Variants in KIF26A observed in about 807,000 individuals in gnomAD.
KIF26A encodes kinesin-like protein KIF26A.
A neutral mutation model predicts 126.0 loss-of-function variants in KIF26A; 74 were observed. The observed-to-expected ratio is 0.59, with a 90% confidence interval of 0.49 to 0.71. The LOEUF (loss-of-function observed/expected upper bound fraction) is 0.71. Ranked by LOEUF, KIF26A falls within the 30% of genes least tolerant of loss-of-function variation. The pLI is 0.00. For missense variants in KIF26A, 2,984 were observed against 2,763.3 expected (o/e 1.08, Z -1.79); for synonymous variants, 1,445 against 1,232.7 (o/e 1.17, Z -3.61).
intron 4 of KIF26A, among the ~76,000 whole-genome samples, chr14:104,164,439 C>A (rs1384299426): frequency 6.6e-6 from 1 of 152,060 alleles, no homozygotes; most frequent in African/African-American, 2.4e-5. Context: ...GTCCTGGTGT[C>A]CCTGTGCTGG....
intron 4 of KIF26A, among the ~76,000 whole-genome samples, chr14:104,165,731 C>T (rs1316176142): frequency 1.3e-5 from 2 of 150,134 alleles, no homozygotes; most frequent in Admixed American, 6.6e-5. Flanking sequence ...CTGTGTGTTT[C>T]TGTATGCATA....
chr14:104,174,919 G>T, intron 11 of KIF26A, 63 bp from the exon 12 acceptor site: 1 of 1,445,844 alleles, frequency 6.9e-7, no homozygotes, highest in Non-Finnish European at 9.1e-7. Flanking sequence ...CTCTGGGGAG[G>T]GTCGGGGAAG....
In KIF26A at chr14:104,152,623, AT is replaced by A. The variant is rs2037741259; in HGVS notation, c.735+163del. 6.6e-6 allele frequency among the ~76,000 whole-genome samples: 1 copy of A among 152,126 alleles called. No individual in the cohort carries two copies. The highest frequency in any genetic ancestry group is 2.1e-4 in the South Asian group (1 of 4,820). Reference sequence around the variant, plus strand: ...TGACACTCCTGAGGCCCCACATCAGATGCACCCTTGATGGTGCACAGCAGCT... The same window carrying A: ...TGACACTCCTGAGGCCCCACATCAGAGCACCCTTGATGGTGCACAGCAGCT... On this transcript the variant is annotated intron_variant, in intron 3 of 14. Transcript: ENST00000423312. The surrounding 1 kb of genome is among the most constrained non-coding windows in gnomAD (Gnocchi z 5.9).
At chr14:104,156,593 C>T (rs979201341) in intron 3 of KIF26A, among the ~76,000 whole-genome samples, 30 of 137,046 alleles carry the variant, frequency 2.2e-4, no homozygotes, top group Admixed American at 2.9e-4. Context: ...AAGCTGGTAC[C>T]GGCCATGGGT....
Position 104,174,195 on chromosome 14 carries a change from G to A in KIF26A, c.2078G>A (p.Gly693Asp). 6.3e-7 allele frequency: 1 copy of A among 1,588,986 alleles called. No homozygotes were observed. Among genetic ancestry groups the A allele is most frequent in the Non-Finnish European group, 8.6e-7 (1 of 1,168,210 alleles). The change falls in exon 11 of 15, where the codon GGC (glycine) becomes GAC (aspartate). Residue 693 changes from glycine (G) to aspartate (D), a missense_variant. Physicochemically the swap from Gly to Asp is moderately conservative, Grantham distance 94 (BLOSUM62 -1). Transcript: ENST00000423312. ...MLLRESLATAGCRTTMIAHVS... is the reference protein window; with the variant it reads ...MLLRESLATADCRTTMIAHVS... ...CTGCGTGAATCCCTGGCCACCGCTG[G>A]CTGCCGCACCACCATGATCGCCCAC... is the stretch of plus-strand genomic sequence containing the variant.
At chr14:104,139,375 C>T in intron 2 of KIF26A, 87 bp downstream of exon 2, 1 of 1,318,660 alleles carries the variant, frequency 7.6e-7, no homozygotes, top group Non-Finnish European at 9.9e-7. Context: ...AAGCAGGGTT[C>T]CACTCCTTCC....
At position 104,139,089 on chromosome 14, in the gene KIF26A, T is replaced by C; in HGVS notation, c.89T>C (p.Val30Ala). ...PAREPPPLLE[V>A]SPRKRLPAGP... ...CGCGAGCCGCCGCCGCTGCTGGAGG[T>C]GTCCCCCCGAAAGAGGCTACCCGCC... Residue 30 changes from valine to alanine, a missense_variant, in exon 2 of 15, where the codon GTG becomes GCG. Val to Ala is a moderately conservative substitution (Grantham distance 64). Coordinates refer to ENST00000423312, the MANE Select transcript of KIF26A (RefSeq NM_015656.2). 1 of 1,448,460 alleles carries C rather than the reference T, an allele frequency of 6.9e-7. No individual in the cohort carries two copies. Among genetic ancestry groups the C allele is most frequent in the Non-Finnish European group, 9.1e-7 (1 of 1,104,022 alleles). The allele number at this position is 1,448,460 out of a possible 1,614,324, so 89.7% of individuals were successfully genotyped here.
In KIF26A at chr14:104,178,890, C is replaced by T. The variant is rs528215412; in HGVS notation, c.5316+135C>T. 361 of 612,116 alleles carry T rather than the reference C, an allele frequency of 5.9e-4. 4 individuals carry two copies. In the South Asian group the frequency reaches 6.4e-3, roughly 11 times the overall value. The allele number at this position is 612,116 out of a possible 1,614,324, so 37.9% of individuals were successfully genotyped here. On this transcript the variant is annotated intron_variant, in intron 13 of 14. Transcript: ENST00000423312. The stretch of plus-strand genomic sequence containing the variant: ...AGCCCCTGACCTCACTTTCTGTCCA[C>T]GTTCCTCCCAGGACGCAAAGGTAGG...
At chr14:104,156,160 C>T (rs1363428401) in intron 3 of KIF26A, among the ~76,000 whole-genome samples, 2 of 152,204 alleles carry the variant, frequency 1.3e-5, no homozygotes, top group African/African-American at 2.4e-5. Flanking sequence ...GCTCCAGGGG[C>T]TCAGGACCTG....
chr14:104,176,470 C>T lies in KIF26A; in HGVS notation c.3682C>T (p.Leu1228=). 1 of 1,607,062 alleles carries T rather than the reference C, an allele frequency of 6.2e-7. No homozygotes were observed. Among genetic ancestry groups the T allele is most frequent in the Non-Finnish European group, 8.5e-7 (1 of 1,179,368 alleles). ...SATTRVGCAR[L]GQSPPGRGGL... ...CACCACCCGTGTGGGCTGTGCTCGC[C>T]TGGGCCAGAGCCCACCTGGCCGTGG... Residue 1228 remains leucine (L), a synonymous_variant, in exon 12 of 15, where the codon CTG becomes TTG. Coordinates refer to ENST00000423312, the MANE Select transcript of KIF26A (RefSeq NM_015656.2).
At chr14:104,155,988 G>A (rs1405695547) in intron 3 of KIF26A, among the ~76,000 whole-genome samples, 1 of 152,206 alleles carries the variant, frequency 6.6e-6, no homozygotes, top group Non-Finnish European at 1.5e-5. Context: ...CACTGTGATT[G>A]GGCCTGGCCC....
At position 104,151,447 on chromosome 14, in the gene KIF26A, C is replaced by G. The variant is rs930514412; in HGVS notation, c.289-568C>G. ...CGATCCTGCGGCTCTTGCGCCCCTT[C>G]GGTGAGCTCATGTGCCCTCTAGGAG... On this transcript the variant is annotated intron_variant, in intron 2 of 14. Transcript: ENST00000423312. This position sits in a 1 kb window ranked among gnomAD's most constrained non-coding sequence, Gnocchi z 4.9. Among the ~76,000 whole-genome samples, 1 of 152,200 alleles carries G rather than the reference C, an allele frequency of 6.6e-6. No individual in the cohort carries two copies. Among genetic ancestry groups the G allele is most frequent in the South Asian group, 2.1e-4 (1 of 4,830 alleles).
rs779346818 is a variant in KIF26A at position 104,176,837 on chromosome 14, C to T, written c.4049C>T (p.Ala1350Val). 55 of 1,546,958 alleles carry T rather than the reference C, an allele frequency of 3.6e-5. No homozygotes were observed. In the African/African-American group the frequency reaches 4.4e-4, roughly 12 times the overall value. Residue 1350 changes from alanine (A) to valine (V), a missense_variant, in exon 12 of 15, where the codon GCG becomes GTG. Physicochemically the swap from Ala to Val is moderately conservative, Grantham distance 64 (BLOSUM62 0). Transcript: ENST00000423312. ...PTSKKGLAPK[A>V]GFLPRPSGAA... ...AGCAAGAAGGGTCTGGCTCCCAAGG[C>T]GGGCTTCCTCCCGAGGCCCAGTGGG... is the stretch of plus-strand genomic sequence containing the variant.
At chr14:104,163,732 C>A (rs759488373) in intron 4 of KIF26A, among the ~76,000 whole-genome samples, 5 of 150,566 alleles carry the variant, frequency 3.3e-5, no homozygotes, top group African/African-American at 1.2e-4. Context: ...GGCCCCGACC[C>A]CTGCTCTGAC....
In KIF26A at chr14:104,175,731, C is replaced by A. The variant is rs372182645; in HGVS notation, c.2943C>A (p.Pro981=). The part of the protein sequence containing the change: ...GGTDGVARTP[P]VGMSGQVAGS... ...CTGATGGAGTGGCACGGACCCCTCC[C>A]GTGGGCATGAGTGGGCAGGTGGCTG... Residue 981 remains proline (P), a synonymous_variant, in exon 12 of 15, where the codon CCC becomes CCA. Coordinates refer to ENST00000423312, the MANE Select transcript of KIF26A (RefSeq NM_015656.2). The A allele has an allele frequency of 6.4e-7, 1 of 1,566,420 alleles. No homozygotes were observed. Among genetic ancestry groups the A allele is most frequent in the Non-Finnish European group, 8.6e-7 (1 of 1,157,698 alleles).
At chr14:104,174,578 C>A (rs1408139756) in intron 11 of KIF26A, among the ~76,000 whole-genome samples, 1 of 152,196 alleles carries the variant, frequency 6.6e-6, no homozygotes, top group African/African-American at 2.4e-5. Flanking sequence ...GCTGCCCCCG[C>A]ACAGGCCCTG....
chr14:104,177,394 G>A lies in KIF26A; in HGVS notation c.4606G>A (p.Ala1536Thr). The change falls in exon 12 of 15, where the codon GCA (alanine) becomes ACA (threonine). Residue 1536 changes from alanine to threonine, a missense_variant. Ala to Thr is a moderately conservative substitution (Grantham distance 58). Transcript: ENST00000423312. Reference sequence around the variant, plus strand: ...TGGCGGCCCTGTGGCCGGTCCCAGAGCAGCCCCACGGGCCGGGCCCAGTGT... The same window carrying A: ...TGGCGGCCCTGTGGCCGGTCCCAGAACAGCCCCACGGGCCGGGCCCAGTGT... ...SPGGPVAGPR[A>T]APRAGPSVGA... The A allele has an allele frequency of 6.7e-7, 1 of 1,491,114 alleles. No homozygotes were observed. The highest frequency in any genetic ancestry group is 2.5e-5 in the East Asian group (1 of 40,448). The allele number at this position is 1,491,114 out of a possible 1,614,324, so 92.4% of individuals were successfully genotyped here. A position where few individuals can be genotyped will look rare whatever the true frequency, so the allele number is the denominator to read the frequency against.
intron 12 of KIF26A, 104 bp downstream of exon 12, chr14:104,178,002 G>C: frequency 7.9e-7 from 1 of 1,267,308 alleles, no homozygotes; most frequent in Non-Finnish European, 1.0e-6. Context: ...GGACAGATGG[G>C]CACAGCCTTC....
Position 104,178,453 on chromosome 14 carries a change from C to T in KIF26A, c.5111-97C>T, listed in dbSNP as rs376382564. ...CCTGGACTGGATCCCGAAGGCCTCC[C>T]TGTCAGGACTCGGGCCGGCTCCGCA... On this transcript the variant is annotated intron_variant, in intron 12 of 14. Transcript: ENST00000423312. 66 of 922,222 alleles carry T rather than the reference C, an allele frequency of 7.2e-5. 1 individual carries two copies. The South Asian group carries it at 1.4e-3, about 20-fold the overall frequency. The allele number at this position is 922,222 out of a possible 1,614,324, so 57.1% of individuals were successfully genotyped here. A position where few individuals can be genotyped will look rare whatever the true frequency, so the allele number is the denominator to read the frequency against.
Sources: gnomAD v4.1 joint callset for allele counts (sites outside exome capture counted in the v4.1 genomes callset) on GRCh38, gnomAD v4.1.1 for gene constraint, Gnocchi (gnomAD v3.1) non-coding constraint, MANE v1.5 for transcripts, NCBI Gene and HGNC (gene_info 2026-07-23, HGNC 2026-07-21) for gene names.